Variants in RBPJ observed in about 807,000 individuals in gnomAD.
The protein encoded by RBPJ is recombination signal binding protein for immunoglobulin kappa J region.
In RBPJ, 9 loss-of-function variants were observed where a neutral mutation model predicts 67.8. That is an observed-to-expected ratio of 0.13 (90% CI 0.08 to 0.23). The LOEUF is 0.23. RBPJ is among the 10% of genes least tolerant of loss of function. RBPJ has a pLI of 1.00. For missense variants in RBPJ, 305 were observed against 595.6 expected (o/e 0.51, Z 5.08); for synonymous variants, 198 against 203.3 (o/e 0.97, Z 0.22).
At position 26,342,303 on chromosome 4, in the gene RBPJ, G is replaced by C. The variant is rs377275196; in HGVS notation, c.20+21255G>C. On this transcript the variant is annotated intron_variant, in intron 1 of 10. Coordinates refer to ENST00000355476, the MANE Select transcript of RBPJ (RefSeq NM_015874.6). ...AAAAAAGGGAATGTGGTGTTTAGTA[G>C]CCAGGAGGTCTCTAGTTGCATTAGA... 3.6e-4 allele frequency among the ~76,000 whole-genome samples: 54 copies of C among 150,452 alleles called. No individual in the cohort carries two copies. In the East Asian group the frequency reaches 5.3e-3, roughly 15 times the overall value.
At chr4:26,276,272 C>CA (rs767611317) in intron 1 of RBPJ, among the ~76,000 whole-genome samples, 6,174 of 63,846 alleles carry the variant, frequency 0.097, 449 homozygotes, top group African/African-American at 0.26. Context: ...GACTCCATCT[C>CA]AAAAAAAAAA....
chr4:26,317,666 G>A (rs1197393383), upstream of RBPJ, among the ~76,000 whole-genome samples: 3 of 152,188 alleles, frequency 2.0e-5, no homozygotes, highest in African/African-American at 7.2e-5. Flanking sequence ...AGCTAAAGAG[G>A]TGTGACAGTA....
Position 26,410,779 on chromosome 4 carries a change from A to G in RBPJ, c.155+4509A>G, listed in dbSNP as rs145395764. Among the ~76,000 whole-genome samples the G allele has an allele frequency of 2.1e-3, 326 of 152,328 alleles. 1 individual carries two copies. Among genetic ancestry groups the G allele is most frequent in the Admixed American group, 3.6e-3 (55 of 15,294 alleles). On this transcript the variant is annotated intron_variant, in intron 3 of 10. Transcript: ENST00000355476. ...GATAAAAAGCCTTCTTTGAATCTGTAAGGCAGTTTTCAGACATCATCTCAA... is the reference window on the plus strand; with the variant it reads ...GATAAAAAGCCTTCTTTGAATCTGTGAGGCAGTTTTCAGACATCATCTCAA...
At chr4:26,226,598 G>A (rs1719084322) in intron 1 of RBPJ, among the ~76,000 whole-genome samples, 1 of 152,192 alleles carries the variant, frequency 6.6e-6, no homozygotes, top group Non-Finnish European at 1.5e-5. Context: ...GCTTTGTGAT[G>A]ATCATCTACT....
At chr4:26,168,338 G>C (rs1399323932) in intron 1 of RBPJ, among the ~76,000 whole-genome samples, 1 of 151,994 alleles carries the variant, frequency 6.6e-6, no homozygotes, top group African/African-American at 2.4e-5. Context: ...ATGAAGCTTA[G>C]TTTGGCTGGA....
Position 26,359,413 on chromosome 4 carries a change from A to ATTTTT in RBPJ, c.21-26924_21-26920dup, listed in dbSNP as rs56112785. Among the ~76,000 whole-genome samples, 214 of 129,042 alleles carry ATTTTT rather than the reference A, an allele frequency of 1.7e-3. 1 individual carries two copies. Among genetic ancestry groups the ATTTTT allele is most frequent in the African/African-American group, 5.9e-3 (201 of 34,164 alleles). 84.7% of individuals were successfully genotyped at this position (129,042 alleles called of 152,430 possible). A position where few individuals can be genotyped will look rare whatever the true frequency, so the allele number is the denominator to read the frequency against. On this transcript the variant is annotated intron_variant, in intron 1 of 10. Coordinates refer to ENST00000355476, the MANE Select transcript of RBPJ (RefSeq NM_015874.6). ...TTGCAATGACCATTATAACACCTTC[A>ATTTTT]TTTTTTTTTTTTTTTTTTTTAACAT...
the RBPJ span, among the ~76,000 whole-genome samples, chr4:26,157,101 AAAC>A: frequency 7.4e-6 from 1 of 134,372 alleles, no homozygotes. Flanking sequence ...AAACAAACAA[AAAC>A]AAACAAACAA....
At chr4:26,349,144 T>C in intron 1 of RBPJ, among the ~76,000 whole-genome samples, 1 of 152,096 alleles carries the variant, frequency 6.6e-6, no homozygotes, top group Non-Finnish European at 1.5e-5. Flanking sequence ...CACAGCTCAC[T>C]GCAGCCTTGA....
At chr4:26,374,065 C>T (rs1729455701) in intron 1 of RBPJ, among the ~76,000 whole-genome samples, 1 of 151,768 alleles carries the variant, frequency 6.6e-6, no homozygotes, top group Non-Finnish European at 1.5e-5. Context: ...CTTACAGGTG[C>T]CCGCCACCGG....
intron 1 of RBPJ, among the ~76,000 whole-genome samples, chr4:26,335,351 T>G (rs575581149): frequency 2.6e-5 from 4 of 151,854 alleles, no homozygotes; most frequent in Non-Finnish European, 5.9e-5. Flanking sequence ...CCGGCTGATT[T>G]TTTGTATTTT....
chr4:26,175,990 G>A (rs1279276213), intron 1 of RBPJ, among the ~76,000 whole-genome samples: 2 of 152,204 alleles, frequency 1.3e-5, no homozygotes, highest in Non-Finnish European at 2.9e-5. Context: ...CCCCTGGGCA[G>A]GGCTTTCGGG....
chr4:26,108,733 C>A, the RBPJ span, among the ~76,000 whole-genome samples: 1 of 152,246 alleles, frequency 6.6e-6, no homozygotes, highest in East Asian at 1.9e-4. Context: ...CTTAAAGGAA[C>A]CAGACTGGGA....
intron 1 of RBPJ, among the ~76,000 whole-genome samples, chr4:26,331,425 A>C (rs1409233809): frequency 6.7e-6 from 1 of 149,614 alleles, no homozygotes; most frequent in East Asian, 2.0e-4. Context: ...TATTTATCTC[A>C]CTCAGCTGCC....
intron 1 of RBPJ, among the ~76,000 whole-genome samples, chr4:26,189,003 A>G (rs1274625976): frequency 1.3e-5 from 2 of 152,228 alleles, no homozygotes; most frequent in African/African-American, 4.8e-5. Context: ...AGAAGGCAAG[A>G]TAGTCTTTCC....
intron 2 of RBPJ, among the ~76,000 whole-genome samples, chr4:26,389,948 A>G (rs1020791696): frequency 1.3e-5 from 2 of 152,202 alleles, no homozygotes; most frequent in Non-Finnish European, 2.9e-5. Context: ...TTCTGTGAGC[A>G]TAGCATTACC....
the RBPJ span, among the ~76,000 whole-genome samples, chr4:26,141,112 T>A: frequency 6.6e-6 from 1 of 152,188 alleles, no homozygotes; most frequent in Non-Finnish European, 1.5e-5. Context: ...CCCCTTTGTC[T>A]ATAAGACAAG....
chr4:26,280,754 A>T (rs779145929), intron 1 of RBPJ, among the ~76,000 whole-genome samples: 5 of 152,210 alleles, frequency 3.3e-5, no homozygotes, highest in Non-Finnish European at 7.3e-5. Flanking sequence ...AAAAAAATTT[A>T]AAGCAAATAC....
chr4:26,320,568 T>C (rs1472698273), upstream of RBPJ: 7 of 559,272 alleles, frequency 1.3e-5, no homozygotes, highest in African/African-American at 3.9e-5. Flanking sequence ...AAAACACCCA[T>C]TGAGGAGGTG....
chr4:26,273,236 C>T (rs1190920634), intron 1 of RBPJ, among the ~76,000 whole-genome samples: 1 of 152,186 alleles, frequency 6.6e-6, no homozygotes, highest in African/African-American at 2.4e-5. Flanking sequence ...ACCCCTCCAC[C>T]TCCTTTTTCT....
Sources: allele counts gnomAD v4.1 joint callset (sites outside exome capture counted in the v4.1 genomes callset), GRCh38; gene constraint gnomAD v4.1.1; transcripts MANE v1.5; gene names NCBI Gene and HGNC (gene_info 2026-07-23, HGNC 2026-07-21).